The following RPH3AL variants were observed in gnomAD, a reference collection of about 807,000 sequenced individuals.
The protein encoded by RPH3AL is rabphilin 3A like (without C2 domains), also known as rab effector Noc2.
A neutral mutation model predicts 43.1 loss-of-function variants in RPH3AL; 38 were observed. That is an observed-to-expected ratio of 0.88 (90% confidence interval 0.68 to 1.15). The LOEUF is 1.15. Ranked by LOEUF, RPH3AL falls within the 50% of genes most tolerant of loss-of-function variation. RPH3AL has a pLI of 0.00. For missense variants in RPH3AL, 462 were observed against 423.2 expected (o/e 1.09, Z -0.81); for synonymous variants, 189 against 176.3 (o/e 1.07, Z -0.57).
intron 1 of RPH3AL, chr17:349,367 G>C (rs2151737844): frequency 6.6e-6 from 1 of 152,298 alleles, no homozygotes; most frequent in African/African-American, 2.4e-5. Flanking sequence ...AGCTTTCACT[G>C]AAGTCAGGCT....
intron 7 of RPH3AL, among the ~76,000 whole-genome samples, chr17:232,918 C>T (rs1382096771): frequency 1.4e-5 from 2 of 147,626 alleles, no homozygotes; most frequent in African/African-American, 5.0e-5. Context: ...TTTCAAAAAT[C>T]CCAGGTACTT....
At chr17:337,816 TAGG>T (rs2045002190) in intron 1 of RPH3AL, among the ~76,000 whole-genome samples, 1 of 152,180 alleles carries the variant, frequency 6.6e-6, no homozygotes, top group Non-Finnish European at 1.5e-5. Context: ...GGGGCACACG[TAGG>T]AGGTTTCACT....
intron 5 of RPH3AL, among the ~76,000 whole-genome samples, chr17:315,710 T>TGTGCCCCACCTCCACTGGCCTGTAGTCCC (rs2044053711): frequency 1.2e-5 from 1 of 85,590 alleles, no homozygotes; most frequent in African/African-American, 4.8e-5. Context: ...CCTGTAGTCC[T>TGTGCCCCACCTCCACTGGCCTGTAGTCCC]TGTGCCCCAC....
chr17:233,932 T>TACTTACCCTGACCAACTTCCCC (rs2041295245), intron 7 of RPH3AL, among the ~76,000 whole-genome samples: 4 of 42,296 alleles, frequency 9.5e-5, no homozygotes, highest in Non-Finnish European at 2.0e-4. Flanking sequence ...CCAACTTCCC[T>TACTTACCCTGACCAACTTCCCC]GAGCAGGGAG....
At chr17:269,086 G>C (rs1166402751) in intron 6 of RPH3AL, among the ~76,000 whole-genome samples, 1 of 152,144 alleles carries the variant, frequency 6.6e-6, no homozygotes, top group South Asian at 2.1e-4. Context: ...CACCGTGTTA[G>C]CCAGGATGGT....
At chr17:243,006 C>T (rs1184242018) in intron 7 of RPH3AL, among the ~76,000 whole-genome samples, 1 of 131,260 alleles carries the variant, frequency 7.6e-6, no homozygotes, top group African/African-American at 2.9e-5. Flanking sequence ...TATTGAATAC[C>T]TTCCTCTATT....
chr17:309,151 C>G (rs2043571974), intron 5 of RPH3AL, among the ~76,000 whole-genome samples: 1 of 152,110 alleles, frequency 6.6e-6, no homozygotes, highest in South Asian at 2.1e-4. Flanking sequence ...AAAAATTTTC[C>G]AGGCGAGGTG....
chr17:258,310 C>T (rs996174906), intron 6 of RPH3AL, among the ~76,000 whole-genome samples: 1 of 152,198 alleles, frequency 6.6e-6, no homozygotes, highest in African/African-American at 2.4e-5. Flanking sequence ...GTTCAGTAAA[C>T]GCTGGTTGAA....
chr17:253,192 C>T (rs1463733006), intron 6 of RPH3AL, among the ~76,000 whole-genome samples: 1 of 152,218 alleles, frequency 6.6e-6, no homozygotes, highest in Non-Finnish European at 1.5e-5. Flanking sequence ...AACAATGGAG[C>T]TACCCTGCCA....
intron 5 of RPH3AL, among the ~76,000 whole-genome samples, chr17:282,895 T>C (rs1165723191): frequency 6.6e-6 from 1 of 152,220 alleles, no homozygotes; most frequent in Admixed American, 6.5e-5. Flanking sequence ...AATGTGGTAT[T>C]ATAATGGTGT....
chr17:291,067 C>A (rs113440438), intron 5 of RPH3AL, among the ~76,000 whole-genome samples: 1,656 of 152,336 alleles, frequency 0.011, 27 homozygotes, highest in African/African-American at 0.036. Flanking sequence ...GCCTGGAAAA[C>A]GTACGCTGTG....
rs1471125790 is a variant in RPH3AL, at chr17:225,628, A to T, written c.614-5892T>A. ...GAGCAGGGAGGTGTCCAGCAGGAGG[A>T]CAGTCCTGCGGAGGGTGGGGTGGCT... On this transcript the variant is annotated intron_variant, in intron 7 of 9. Transcript: ENST00000331302. The surrounding 1 kb of genome is among the most constrained non-coding windows in gnomAD (Gnocchi z 4.4). 6.6e-6 allele frequency among the ~76,000 whole-genome samples: 1 copy of T among 152,090 alleles called. No individual in the cohort carries two copies. The highest frequency in any genetic ancestry group is 1.5e-5 in the Non-Finnish European group (1 of 68,008).
chr17:282,486 G>A (rs148404955), intron 5 of RPH3AL, among the ~76,000 whole-genome samples: 8 of 152,224 alleles, frequency 5.3e-5, no homozygotes, highest in East Asian at 1.9e-4. Context: ...TTCTCTGGAC[G>A]CAGAAATAAC....
chr17:315,732 CGTA>C (rs1160093861), intron 5 of RPH3AL, among the ~76,000 whole-genome samples: 40 of 73,422 alleles, frequency 5.4e-4, no homozygotes, highest in Admixed American at 1.4e-3. Flanking sequence ...TCTATTGACC[CGTA>C]GTCTCTGTGC....
At chr17:279,592 A>C (rs9789037) in intron 6 of RPH3AL, among the ~76,000 whole-genome samples, 50,687 of 151,772 alleles carry the variant, frequency 0.33, 9,092 homozygotes, top group East Asian at 0.71. Context: ...GGGGATGGGG[A>C]AACCCTCAAC....
chr17:322,411 TG>T lies in RPH3AL; in HGVS notation c.78-997del. 6.6e-6 allele frequency: 1 copy of T among 152,008 alleles called. No individual in the cohort carries two copies. The highest frequency in any genetic ancestry group is 1.5e-5 in the Non-Finnish European group (1 of 67,986). 9.4% of individuals were successfully genotyped at this position (152,008 alleles called of 1,614,324 possible). A position where few individuals can be genotyped will look rare whatever the true frequency, so the allele number is the denominator to read the frequency against. ...TGCACCCTGAAGAACTACAATATGG[TG>T]GGGGTGGCAGATGCCAATCAATGAC... On this transcript the variant is annotated intron_variant, in intron 3 of 9. Coordinates refer to ENST00000331302, the MANE Select transcript of RPH3AL (RefSeq NM_006987.4). The surrounding 1 kb of genome is among the most constrained non-coding windows in gnomAD (Gnocchi z 4.0).
Position 333,969 on chromosome 17 carries a change from A to C in RPH3AL, c.-212-35T>G, listed in dbSNP as rs1397941522. On this transcript the variant is annotated intron_variant, in intron 1 of 9. Coordinates refer to ENST00000331302, the MANE Select transcript of RPH3AL (RefSeq NM_006987.4). The surrounding 1 kb of genome is among the most constrained non-coding windows in gnomAD (Gnocchi z 4.5). ...AAAAAATAAATAAATAAAATAAAAT[A>C]AAGGGCCTCTTCTTTGCAAACAGTT... The C allele has an allele frequency of 6.6e-6, 1 of 152,496 alleles. No individual in the cohort carries two copies. The highest frequency in any genetic ancestry group is 2.4e-5 in the African/African-American group (1 of 41,468). The allele number at this position is 152,496 out of a possible 1,614,324, so 9.4% of individuals were successfully genotyped here.
intron 1 of RPH3AL, among the ~76,000 whole-genome samples, chr17:352,281 C>T (rs1048670866): frequency 4.6e-5 from 7 of 152,216 alleles, no homozygotes; most frequent in African/African-American, 1.4e-4. Flanking sequence ...ATGCGTGGCC[C>T]CCATTCTCTG....
intron 6 of RPH3AL, among the ~76,000 whole-genome samples, chr17:263,993 C>T (rs537453199): frequency 2.0e-5 from 3 of 152,246 alleles, no homozygotes; most frequent in Admixed American, 1.3e-4. Flanking sequence ...CTGAGGGTAT[C>T]GTGCTGTTAG....
Sources: allele counts gnomAD v4.1 joint callset (sites outside exome capture counted in the v4.1 genomes callset), GRCh38; gene constraint gnomAD v4.1.1; non-coding constraint Gnocchi (gnomAD v3.1); transcripts MANE v1.5; gene names NCBI Gene and HGNC (gene_info 2026-07-23, HGNC 2026-07-21).